The following LINGO2 variants were observed in gnomAD, a reference collection of about 807,000 sequenced individuals.
The protein encoded by LINGO2 is leucine-rich repeat and immunoglobulin-like domain-containing nogo receptor-interacting protein 2.
A neutral mutation model predicts 30.6 loss-of-function variants in LINGO2; 14 were observed. The observed-to-expected ratio is 0.46, with a 90% CI of 0.30 to 0.72. The LOEUF is 0.72. Ranked by LOEUF, LINGO2 falls within the 30% of genes least tolerant of loss-of-function variation. The probability of loss-of-function intolerance (pLI) is 0.07; values close to 1 mark genes in which losing one functional copy is unlikely to be tolerated. For missense variants in LINGO2, 729 were observed against 751.7 expected (o/e 0.97, Z 0.35); for synonymous variants, 317 against 288.5 (o/e 1.10, Z -1.00).
At chr9:28,874,595 A>C in the LINGO2 span, among the ~76,000 whole-genome samples, 1 of 152,036 alleles carries the variant, frequency 6.6e-6, no homozygotes, top group Non-Finnish European at 1.5e-5. Flanking sequence ...GATTAAGTAC[A>C]TTAGGCAAAA....
rs188128377 is a variant in LINGO2, at chr9:28,233,109, G to T, written c.-87+62099C>A. On this transcript the variant is annotated intron_variant, in intron 4 of 5. Coordinates refer to ENST00000379992, the Ensembl canonical transcript of LINGO2. Reference sequence around the variant, plus strand: ...TAAACATTTTAAATATATGTGTGTGGGGGGGTCTATGTGTGTGTGTATGTG... The same window carrying T: ...TAAACATTTTAAATATATGTGTGTGTGGGGGTCTATGTGTGTGTGTATGTG... Among the ~76,000 whole-genome samples, 629 of 142,312 alleles carry T rather than the reference G, an allele frequency of 4.4e-3. 3 individuals are homozygous for T. The highest frequency in any genetic ancestry group is 0.016 in the African/African-American group (588 of 37,490). The allele number at this position is 142,312 out of a possible 152,430, so 93.4% of individuals were successfully genotyped here.
the LINGO2 span, among the ~76,000 whole-genome samples, chr9:28,845,122 GC>G: frequency 2.0e-5 from 3 of 151,750 alleles, no homozygotes; most frequent in African/African-American, 4.9e-5. Flanking sequence ...CTTCTTTAAT[GC>G]CCTCTTTAGA....
At chr9:29,039,750 A>G in the LINGO2 span, among the ~76,000 whole-genome samples, 3 of 152,174 alleles carry the variant, frequency 2.0e-5, no homozygotes, top group Non-Finnish European at 4.4e-5. Flanking sequence ...ATGCCTGGCC[A>G]GCTATGGGCT....
intron 5 of LINGO2, among the ~76,000 whole-genome samples, chr9:27,958,548 T>TGA (rs61390280): frequency 1.8e-4 from 28 of 151,760 alleles, no homozygotes; most frequent in Non-Finnish European, 3.7e-4. Flanking sequence ...TAAGGGAGAG[T>TGA]GAGAGAGAGA....
chr9:28,058,905 C>T (rs950836780), intron 4 of LINGO2, among the ~76,000 whole-genome samples: 1 of 152,096 alleles, frequency 6.6e-6, no homozygotes, highest in East Asian at 1.9e-4. Context: ...AACACTTGTA[C>T]ATGCATGCAA....
At chr9:28,774,962 G>A in the LINGO2 span, among the ~76,000 whole-genome samples, 3,247 of 149,836 alleles carry the variant, frequency 0.022, 112 homozygotes, top group African/African-American at 0.075. Context: ...ACAAATCGTC[G>A]AATAAGTAAA....
At position 28,614,023 on chromosome 9, in the gene LINGO2, G is replaced by C. The variant is rs1022075306; in HGVS notation, c.-365+56177C>G. The stretch of plus-strand genomic sequence containing the variant: ...TGGGCCATTCTAAAAGAGGCAAAGG[G>C]CTATAATTTGACTTATGCCATATGG... On this transcript the variant is annotated intron_variant, in intron 1 of 5. Transcript: ENST00000379992. Among the ~76,000 whole-genome samples the C allele has an allele frequency of 5.3e-5, 8 of 152,108 alleles. No homozygotes were observed. The East Asian group carries it at 1.5e-3, about 29-fold the overall frequency.
the LINGO2 span, among the ~76,000 whole-genome samples, chr9:28,790,156 A>G: frequency 6.6e-6 from 1 of 152,214 alleles, no homozygotes; most frequent in Non-Finnish European, 1.5e-5. Context: ...CCTGGGACAT[A>G]AATCATCCCT....
chr9:28,491,234 G>A (rs145026166), intron 1 of LINGO2, among the ~76,000 whole-genome samples: 1 of 152,156 alleles, frequency 6.6e-6, no homozygotes, highest in Non-Finnish European at 1.5e-5. Context: ...CTTTCTGGAG[G>A]CTTCAGTGAT....
intron 2 of LINGO2, among the ~76,000 whole-genome samples, chr9:28,465,201 T>C (rs910207763): frequency 2.6e-4 from 39 of 152,144 alleles, no homozygotes; most frequent in African/African-American, 9.4e-4. Flanking sequence ...CCTTGTCCTC[T>C]CATTCCAAGA....
the LINGO2 span, among the ~76,000 whole-genome samples, chr9:29,097,844 C>A: frequency 1.4e-5 from 2 of 138,466 alleles, 1 homozygote; most frequent in African/African-American, 5.4e-5. Context: ...ATCTGATTTA[C>A]GAGGAATGCA....
chr9:29,091,057 T>C, the LINGO2 span, among the ~76,000 whole-genome samples: 1 of 152,050 alleles, frequency 6.6e-6, no homozygotes, highest in Non-Finnish European at 1.5e-5. Flanking sequence ...ATCATGAAAA[T>C]GAAATAAGAT....
intron 4 of LINGO2, among the ~76,000 whole-genome samples, chr9:28,055,339 G>A (rs1217607077): frequency 6.6e-6 from 1 of 152,106 alleles, no homozygotes; most frequent in Non-Finnish European, 1.5e-5. Context: ...ACAGGTGGAT[G>A]GAAAAGGGCT....
At chr9:29,105,052 G>A in the LINGO2 span, among the ~76,000 whole-genome samples, 1 of 152,090 alleles carries the variant, frequency 6.6e-6, no homozygotes, top group African/African-American at 2.4e-5. Flanking sequence ...CAGATCTTTT[G>A]TACCCTAAAC....
chr9:28,978,213 T>A, the LINGO2 span, among the ~76,000 whole-genome samples: 1 of 152,260 alleles, frequency 6.6e-6, no homozygotes, highest in South Asian at 2.1e-4. Flanking sequence ...TGTACTGGAT[T>A]GTCAAATATT....
In LINGO2 at chr9:28,640,619, G is replaced by A. The variant is rs556569349; in HGVS notation, c.-365+29581C>T. The stretch of plus-strand genomic sequence containing the variant: ...ACCCTTTCTTCCAGTTGATCGAATC[G>A]GCTACTGAGGCTTGTGCATTCGTCA... On this transcript the variant is annotated intron_variant, in intron 1 of 5. Transcript: ENST00000379992. Among the ~76,000 whole-genome samples, 6 of 151,056 alleles carry A rather than the reference G, an allele frequency of 4.0e-5. No homozygotes were observed. The South Asian group carries it at 8.4e-4, about 21-fold the overall frequency.
the LINGO2 span, among the ~76,000 whole-genome samples, chr9:28,773,170 C>T: frequency 2.6e-5 from 4 of 151,978 alleles, no homozygotes; most frequent in Admixed American, 6.6e-5. Context: ...TCGAGACTGT[C>T]CTGGCTAACA....
rs181850352 is a variant in LINGO2, at chr9:28,622,564, A to G, written c.-365+47636T>C. ...GTAACTGAATAGTGCTCCATTGTGCATATGTACCACATTTTCTTTATCCAT... is the reference window on the plus strand; with the variant it reads ...GTAACTGAATAGTGCTCCATTGTGCGTATGTACCACATTTTCTTTATCCAT... On this transcript the variant is annotated intron_variant, in intron 1 of 5. Transcript: ENST00000379992. 2.5e-3 allele frequency among the ~76,000 whole-genome samples: 377 copies of G among 152,098 alleles called. 1 individual carries two copies. Among genetic ancestry groups the G allele is most frequent in the African/African-American group, 8.7e-3 (363 of 41,532 alleles).
intron 4 of LINGO2, among the ~76,000 whole-genome samples, chr9:28,264,154 A>G (rs948651685): frequency 1.3e-5 from 2 of 151,984 alleles, no homozygotes; most frequent in Non-Finnish European, 2.9e-5. Flanking sequence ...TTTAAACTTT[A>G]TATTTACATA....
Sources: allele counts gnomAD v4.1 joint callset (sites outside exome capture counted in the v4.1 genomes callset), GRCh38; gene constraint gnomAD v4.1.1; transcripts MANE v1.5; gene names NCBI Gene and HGNC (gene_info 2026-07-23, HGNC 2026-07-21).